The following PTPRD variants were observed in gnomAD, a reference collection of about 807,000 sequenced individuals.
PTPRD encodes the protein protein tyrosine phosphatase receptor type D.
A neutral mutation model predicts 214.5 loss-of-function variants in PTPRD; 34 were observed. The ratio of observed to expected loss-of-function variants is 0.16; its 90% CI spans 0.12 to 0.21. The LOEUF (loss-of-function observed/expected upper bound fraction) is 0.21, where lower values mean the gene tolerates loss of function less well. Ranked by LOEUF, PTPRD falls within the 10% of genes least tolerant of loss-of-function variation. The pLI, the probability that PTPRD is intolerant of heterozygous loss-of-function variation, is 1.00. For synonymous variants in PTPRD, 1,128 were observed against 845.7 expected (o/e 1.33, Z -5.79); for missense variants, 2,545 against 2,398.7 (o/e 1.06, Z -1.27).
chr9:10,359,842 A>G (rs1003797725), intron 2 of PTPRD, among the ~76,000 whole-genome samples: 1 of 152,192 alleles, frequency 6.6e-6, no homozygotes, highest in Non-Finnish European at 1.5e-5. Context: ...ATATGGTTTT[A>G]AAAGTTGAGA....
At chr9:9,011,772 T>C (rs2099512703) in intron 11 of PTPRD, among the ~76,000 whole-genome samples, 1 of 152,198 alleles carries the variant, frequency 6.6e-6, no homozygotes, top group Admixed American at 6.5e-5. Context: ...TCAATTCTAG[T>C]TCAAAGTTAG....
At chr9:8,793,016 GC>G in intron 11 of PTPRD, among the ~76,000 whole-genome samples, 1 of 152,294 alleles carries the variant, frequency 6.6e-6, no homozygotes, top group Middle Eastern at 3.4e-3. Flanking sequence ...GGAAACTCAA[GC>G]TCAAGAAGCT....
At chr9:10,080,016 G>T (rs1472670616) in intron 3 of PTPRD, among the ~76,000 whole-genome samples, 1 of 151,266 alleles carries the variant, frequency 6.6e-6, no homozygotes, top group African/African-American at 2.4e-5. Context: ...AATAAACAAG[G>T]AATTTTGTAA....
intron 4 of PTPRD, among the ~76,000 whole-genome samples, chr9:9,947,595 TA>T (rs373452656): frequency 0.03 from 1,622 of 53,758 alleles, 46 homozygotes; most frequent in Non-Finnish European, 0.04. Context: ...ATTATATATA[TA>T]ATATATATAT....
At chr9:9,243,256 A>G (rs1032949903) in intron 9 of PTPRD, among the ~76,000 whole-genome samples, 2 of 152,248 alleles carry the variant, frequency 1.3e-5, no homozygotes, top group Admixed American at 6.5e-5. Flanking sequence ...ATTACAATCA[A>G]TAGAAAAAGA....
At chr9:9,233,706 G>T (rs930303288) in intron 9 of PTPRD, among the ~76,000 whole-genome samples, 1 of 152,160 alleles carries the variant, frequency 6.6e-6, no homozygotes, top group African/African-American at 2.4e-5. Flanking sequence ...AAAAAAAGGG[G>T]CTATAGGCCC....
intron 3 of PTPRD, among the ~76,000 whole-genome samples, chr9:10,309,455 C>T (rs1027439901): frequency 9.2e-5 from 14 of 151,816 alleles, no homozygotes; most frequent in African/African-American, 3.4e-4. Flanking sequence ...CGGGTTCAAT[C>T]GATTCTCCTG....
chr9:9,871,803 C>G (rs906326106), intron 5 of PTPRD, among the ~76,000 whole-genome samples: 31 of 152,240 alleles, frequency 2.0e-4, no homozygotes, highest in Admixed American at 1.3e-3. Context: ...TCCTTAGGCC[C>G]TAAGATTATC....
chr9:8,983,013 T>C (rs1048200201), intron 11 of PTPRD, among the ~76,000 whole-genome samples: 17 of 152,208 alleles, frequency 1.1e-4, no homozygotes, highest in Non-Finnish European at 1.9e-4. Context: ...AGTTGAATCA[T>C]ACCATGTTCT....
intron 2 of PTPRD, among the ~76,000 whole-genome samples, chr9:10,588,517 T>G (rs535536786): frequency 6.6e-6 from 1 of 151,568 alleles, no homozygotes; most frequent in Non-Finnish European, 1.5e-5. Context: ...TCCAAATAAA[T>G]GGCCCAGCCA....
chr9:9,179,608 G>A (rs777139308), intron 10 of PTPRD, among the ~76,000 whole-genome samples: 1 of 152,090 alleles, frequency 6.6e-6, no homozygotes, highest in Non-Finnish European at 1.5e-5. Flanking sequence ...TTTAGACATT[G>A]TGGGAAATGT....
intron 12 of PTPRD, among the ~76,000 whole-genome samples, chr9:8,672,556 C>G (rs2097307498): frequency 6.6e-6 from 1 of 152,066 alleles, no homozygotes; most frequent in Admixed American, 6.6e-5. Flanking sequence ...TATAATTACT[C>G]ATTAATTTGC....
chr9:8,796,074 A>C (rs2096411241), intron 11 of PTPRD, among the ~76,000 whole-genome samples: 1 of 152,226 alleles, frequency 6.6e-6, no homozygotes, highest in African/African-American at 2.4e-5. Flanking sequence ...GTATGAAGTT[A>C]AGCCTTTCCA....
chr9:10,264,147 G>C (rs1564872929), intron 3 of PTPRD, among the ~76,000 whole-genome samples: 1 of 152,298 alleles, frequency 6.6e-6, no homozygotes, highest in South Asian at 2.1e-4. Flanking sequence ...GAGTCCTCAT[G>C]GAGAACCTCT....
intron 8 of PTPRD, among the ~76,000 whole-genome samples, chr9:9,550,726 G>A (rs1193078726): frequency 6.6e-6 from 1 of 151,086 alleles, no homozygotes; most frequent in African/African-American, 2.4e-5. Flanking sequence ...TCTGGCAAAG[G>A]GCTAGTATAA....
chr9:10,159,994 A>G (rs2099117835), intron 3 of PTPRD, among the ~76,000 whole-genome samples: 1 of 152,090 alleles, frequency 6.6e-6, no homozygotes, highest in Admixed American at 6.6e-5. Flanking sequence ...CAAAATGACA[A>G]ATATCTGGGT....
intron 3 of PTPRD, among the ~76,000 whole-genome samples, chr9:10,311,970 G>A (rs59113499): frequency 0.045 from 6,850 of 151,796 alleles, 506 homozygotes; most frequent in African/African-American, 0.16. Context: ...AACATTCACA[G>A]ACACATCTGG....
chr9:9,518,485 C>A (rs2096888686), intron 8 of PTPRD, among the ~76,000 whole-genome samples: 1 of 151,888 alleles, frequency 6.6e-6, no homozygotes, highest in South Asian at 2.1e-4. Flanking sequence ...CACAAAGCAA[C>A]TTTAATACAA....
At chr9:9,787,456 C>A (rs2098933587) in intron 5 of PTPRD, among the ~76,000 whole-genome samples, 1 of 148,852 alleles carries the variant, frequency 6.7e-6, no homozygotes, top group African/African-American at 2.5e-5. Flanking sequence ...CTTTACAGTC[C>A]AAAATTTAAT....
Sources: gnomAD v4.1 joint callset for allele counts (sites outside exome capture counted in the v4.1 genomes callset) on GRCh38, gnomAD v4.1.1 for gene constraint, MANE v1.5 for transcripts, NCBI Gene and HGNC (gene_info 2026-07-23, HGNC 2026-07-21) for gene names.